The following CLPB variants were observed in gnomAD, a reference collection of about 807,000 sequenced individuals.
CLPB encodes the protein ClpB family mitochondrial disaggregase, also known as mitochondrial disaggregase.
In CLPB, 40 loss-of-function variants were observed where a neutral mutation model predicts 78.4. The ratio of observed to expected loss-of-function variants is 0.51; its 90% CI spans 0.40 to 0.66. CLPB has a LOEUF of 0.66. Ranked by LOEUF, CLPB falls within the 30% of genes least tolerant of loss-of-function variation. CLPB has a pLI of 0.00. For missense variants in CLPB, 780 were observed against 886.9 expected, an observed-to-expected ratio of 0.88 and a Z score of 1.53; for synonymous variants, 333 against 348.0, an observed-to-expected ratio of 0.96 and a Z score of 0.48.
rs1590871155 is a variant in CLPB at position 72,380,239 on chromosome 11, C to T, written c.646+42G>A. ...ACAGAGCAAGGCTGCATGAAAGCCA[C>T]AAGAGGAGAGCTCTCAGAGAAGCAG... On this transcript the variant is annotated intron_variant, in intron 4 of 15. Transcript: ENST00000538039. 1.1e-5 allele frequency: 16 copies of T among 1,469,830 alleles called. No individual in the cohort carries two copies. In the East Asian group the frequency reaches 3.6e-4, roughly 33 times the overall value. The allele number at this position is 1,469,830 out of a possible 1,614,324, so 91.0% of individuals were successfully genotyped here.
At chr11:72,428,922 C>CT (rs1276123189) in intron 2 of CLPB, 4 of 152,232 alleles carry the variant, frequency 2.6e-5, no homozygotes, top group Non-Finnish European at 5.9e-5. Context: ...ATGGTAGTGG[C>CT]ATCCCCTGGG....
intron 3 of CLPB, among the ~76,000 whole-genome samples, chr11:72,380,627 C>T (rs191330594): frequency 6.6e-6 from 1 of 152,146 alleles, no homozygotes; most frequent in East Asian, 1.9e-4. Flanking sequence ...TTACTTGAGT[C>T]CGGGAGTTCA....
intron 3 of CLPB, among the ~76,000 whole-genome samples, chr11:72,398,356 G>A (rs1855467633): frequency 1.3e-5 from 2 of 152,188 alleles, no homozygotes; most frequent in South Asian, 2.1e-4. Context: ...CACCACACAC[G>A]AACTGGGTGC....
intron 5 of CLPB, among the ~76,000 whole-genome samples, chr11:72,333,466 T>C (rs997605677): frequency 3.9e-5 from 6 of 152,266 alleles, no homozygotes; most frequent in Non-Finnish European, 8.8e-5. Context: ...TAGCAACTGA[T>C]ACCTTGGCCA....
chr11:72,369,271 C>T (rs1372565243), intron 4 of CLPB, among the ~76,000 whole-genome samples: 2 of 152,172 alleles, frequency 1.3e-5, no homozygotes, highest in Non-Finnish European at 2.9e-5. Flanking sequence ...ATCTGTTAGT[C>T]GGTTATCTAC....
intron 7 of CLPB, among the ~76,000 whole-genome samples, chr11:72,313,847 A>T (rs1163503955): frequency 2.6e-5 from 4 of 152,214 alleles, no homozygotes; most frequent in Non-Finnish European, 4.4e-5. Flanking sequence ...ATGTATAGTA[A>T]AGGGCCTAGG....
chr11:72,318,473 AT>A (rs1183651790), intron 6 of CLPB, among the ~76,000 whole-genome samples: 1 of 152,130 alleles, frequency 6.6e-6, no homozygotes, highest in Non-Finnish European at 1.5e-5. Flanking sequence ...AGATCTTGAA[AT>A]GGAAAGGAAT....
chr11:72,358,946 A>G lies in CLPB; in HGVS notation c.709T>C (p.Cys237Arg). The G allele has an allele frequency of 6.2e-7, 1 of 1,613,176 alleles. No individual in the cohort carries two copies. The highest frequency in any genetic ancestry group is 8.5e-7 in the Non-Finnish European group (1 of 1,179,880). Residue 237 changes from cysteine (C) to arginine (R), a missense_variant, in exon 5 of 16, where the codon TGC becomes CGC. By Grantham distance (180) the Cys-to-Arg change is radical. Around this residue, in one of 3 missense-constraint regions of CLPB, gnomAD observed 417 missense variants for 414.7 expected, o/e 1.01. Transcript: ENST00000538039. ...AGAACAGCATAGTGCAAGGCCGTGC[A>G]GCCCTTGAAACTGGCGCGGTTGTTC... Reference protein sequence around the residue: ...RLNNRASFKGCTALHYAVLAD... With the variant: ...RLNNRASFKGRTALHYAVLAD...
Position 72,358,879 on chromosome 11 carries a change from C to T in CLPB, c.775+1G>A. 2 of 1,583,008 alleles carry T rather than the reference C, an allele frequency of 1.3e-6. No individual in the cohort carries two copies. The highest frequency in any genetic ancestry group is 8.6e-7 in the Non-Finnish European group (1 of 1,159,816). ...CACCCCTCCTCCACCTCTGCTCTCA[C>T]CTCCATCAAGCAGCTCCTTGACAGT... On this transcript the variant is annotated splice_donor_variant, in intron 5 of 15. Transcript: ENST00000538039. LOFTEE classifies it high-confidence loss of function.
At chr11:72,379,534 C>T (rs549580068) in intron 4 of CLPB, among the ~76,000 whole-genome samples, 38 of 152,276 alleles carry the variant, frequency 2.5e-4, no homozygotes, top group African/African-American at 8.9e-4. Flanking sequence ...GACACATGAT[C>T]GAGCCCTAGT....
intron 11 of CLPB, among the ~76,000 whole-genome samples, chr11:72,299,761 C>T (rs866032139): frequency 2.6e-5 from 4 of 152,324 alleles, no homozygotes; most frequent in Middle Eastern, 3.4e-3. Flanking sequence ...TGGATGGCAG[C>T]TTTGGTCAAT....
In CLPB at chr11:72,295,525, C is replaced by T. The variant is rs143522576; in HGVS notation, c.1453G>A (p.Glu485Lys). ...HALQLRQEAL[E>K]MSRNRIAENL... ...TCGGCAATACGGTTACGGCTCATCT[C>T]CAAAGCTTCCTGCCTCAGCTGCAGC... is the stretch of plus-strand genomic sequence containing the variant. The change falls in exon 12 of 16, where the codon GAG (glutamate) becomes AAG (lysine). Residue 485 changes from glutamate to lysine, a missense_variant. By Grantham distance (56) the Glu-to-Lys change is moderately conservative (BLOSUM62 1). Around this residue, in one of 3 missense-constraint regions of CLPB, gnomAD observed 272 missense variants for 304.0 expected, o/e 0.89. Coordinates refer to ENST00000538039, the MANE Select transcript of CLPB (RefSeq NM_001258392.3). 6.2e-7 allele frequency: 1 copy of T among 1,614,194 alleles called. No individual in the cohort carries two copies. The highest frequency in any genetic ancestry group is 8.5e-7 in the Non-Finnish European group (1 of 1,180,042).
chr11:72,402,864 C>G (rs1408188331), intron 3 of CLPB, 102 bp downstream of exon 3: 1 of 885,316 alleles, frequency 1.1e-6, no homozygotes, highest in Non-Finnish European at 1.8e-6. Flanking sequence ...CTTCCTGCCT[C>G]TGGAAAAGAC....
intron 3 of CLPB, among the ~76,000 whole-genome samples, chr11:72,388,606 C>A (rs997779000): frequency 3.3e-5 from 5 of 152,106 alleles, no homozygotes; most frequent in Non-Finnish European, 4.4e-5. Context: ...GGGGTATAGA[C>A]AGGGCTAAAG....
At chr11:72,338,436 T>C (rs1950360668) in intron 5 of CLPB, among the ~76,000 whole-genome samples, 1 of 152,160 alleles carries the variant, frequency 6.6e-6, no homozygotes, top group Non-Finnish European at 1.5e-5. Flanking sequence ...CGCCTACTAG[T>C]CCAGGGCTCT....
At chr11:72,315,873 C>T (rs1470557112) in intron 7 of CLPB, among the ~76,000 whole-genome samples, 1 of 152,092 alleles carries the variant, frequency 6.6e-6, no homozygotes, top group African/African-American at 2.4e-5. Context: ...TTTGAGGTCC[C>T]GAGGTGTTGG....
At chr11:72,302,415 G>T (rs1384094327) in intron 9 of CLPB, 67 bp from the exon 10 acceptor site, 1 of 1,379,160 alleles carries the variant, frequency 7.3e-7, no homozygotes. Context: ...GGTTAGGGAG[G>T]AGAGCACCTC....
intron 3 of CLPB, among the ~76,000 whole-genome samples, chr11:72,382,601 C>T (rs887573603): frequency 6.6e-6 from 1 of 152,162 alleles, no homozygotes; most frequent in African/African-American, 2.4e-5. Flanking sequence ...CAGGCCCACT[C>T]ACCTGCTGAC....
intron 6 of CLPB, among the ~76,000 whole-genome samples, chr11:72,317,850 A>C (rs1310285270): frequency 6.6e-6 from 1 of 152,192 alleles, no homozygotes; most frequent in Non-Finnish European, 1.5e-5. Flanking sequence ...GTTGATGCTG[A>C]GGGTCTGGCA....
Sources: allele counts gnomAD v4.1 joint callset (sites outside exome capture counted in the v4.1 genomes callset), GRCh38; gene constraint gnomAD v4.1.1; regional missense constraint gnomAD v4.1.1; transcripts MANE v1.5; gene names NCBI Gene and HGNC (gene_info 2026-07-23, HGNC 2026-07-21).